The following PPP3CC variants were observed in gnomAD, a reference collection of about 807,000 sequenced individuals.
PPP3CC encodes the protein serine/threonine-protein phosphatase 2B catalytic subunit gamma isoform.
Under a neutral mutation model 60.3 loss-of-function variants are expected in PPP3CC, and 35 were observed. The ratio of observed to expected loss-of-function variants is 0.58; its 90% CI spans 0.44 to 0.77. PPP3CC has a LOEUF of 0.77. Ranked by LOEUF, PPP3CC falls within the 30% of genes least tolerant of loss-of-function variation. PPP3CC has a pLI of 0.00. For missense variants in PPP3CC, 570 were observed against 628.9 expected, an observed-to-expected ratio of 0.91 and a Z score of 1.00; for synonymous variants, 206 against 224.3, an observed-to-expected ratio of 0.92 and a Z score of 0.73.
Position 22,523,630 on chromosome 8 carries a change from G to A in PPP3CC, c.943+881G>A, listed in dbSNP as rs559999779. The A allele has an allele frequency of 2.3e-3, 1,058 of 451,528 alleles. 27 individuals are homozygous for A. The highest frequency in any genetic ancestry group is 0.016 in the South Asian group (1,024 of 63,520). The allele number at this position is 451,528 out of a possible 1,614,324, so 28.0% of individuals were successfully genotyped here. On this transcript the variant is annotated intron_variant, in intron 8 of 13. Coordinates refer to ENST00000240139, the MANE Select transcript of PPP3CC (RefSeq NM_005605.5). ...AAACATTTTTGGAACTCCTCTTTTG[G>A]CATTGCCTTCAGAGTCTGCGACACA...
At chr8:22,455,165 A>G (rs1837159280) in intron 1 of PPP3CC, among the ~76,000 whole-genome samples, 1 of 152,082 alleles carries the variant, frequency 6.6e-6, no homozygotes, top group African/African-American at 2.4e-5. Context: ...GAAGTGATGT[A>G]TTCATAAATA....
At chr8:22,455,254 C>T (rs972501954) in intron 1 of PPP3CC, among the ~76,000 whole-genome samples, 2 of 152,124 alleles carry the variant, frequency 1.3e-5, no homozygotes, top group South Asian at 4.1e-4. Context: ...AGTACTCATG[C>T]GGTGTAGCAT....
At chr8:22,493,049 G>T in intron 3 of PPP3CC, 1 of 1,420,252 alleles carries the variant, frequency 7.0e-7, no homozygotes. Flanking sequence ...CAGCTCTTGT[G>T]GAGAATTTTG....
chr8:22,540,767 C>G lies in PPP3CC; in HGVS notation c.1504C>G (p.His502Asp), dbSNP rs762840722. The G allele has an allele frequency of 4.3e-6, 7 of 1,613,400 alleles. No individual in the cohort carries two copies. Among genetic ancestry groups the G allele is most frequent in the Non-Finnish European group, 5.9e-6 (7 of 1,179,700 alleles). Residue 502 changes from histidine (H) to aspartate (D), a missense_variant, in exon 14 of 14, where the codon CAC (histidine) becomes GAC (aspartate). Physicochemically the swap from His to Asp is moderately conservative, Grantham distance 81. Transcript: ENST00000240139. The part of the protein sequence containing the change: ...SVTSAHSHAA[H>D]RSDQGKKAHS ...AACCTCAGCACACTCACATGCTGCG[C>G]ACAGGAGCGACCAAGGGAAGAAAGC... is the stretch of plus-strand genomic sequence containing the variant.
intron 6 of PPP3CC, among the ~76,000 whole-genome samples, chr8:22,514,144 G>C (rs1839171796): frequency 6.6e-6 from 1 of 150,398 alleles, no homozygotes; most frequent in Non-Finnish European, 1.5e-5. Context: ...CTAATTGGGA[G>C]ACTTCAGGCA....
intron 10 of PPP3CC, among the ~76,000 whole-genome samples, chr8:22,530,856 A>G (rs1293906691): frequency 1.5e-5 from 2 of 137,746 alleles, no homozygotes; most frequent in Non-Finnish European, 1.6e-5. Flanking sequence ...AAAAAAAAAA[A>G]GGAAGAACAA....
chr8:22,471,792 C>G (rs1219293241), intron 1 of PPP3CC, among the ~76,000 whole-genome samples: 2 of 152,032 alleles, frequency 1.3e-5, no homozygotes, highest in African/African-American at 4.8e-5. Context: ...ACTTTATAAA[C>G]TTTATAAACA....
chr8:22,520,071 A>G (rs1321709986), intron 6 of PPP3CC, among the ~76,000 whole-genome samples: 1 of 151,324 alleles, frequency 6.6e-6, no homozygotes, highest in Non-Finnish European at 1.5e-5. Flanking sequence ...TTCATTCTTA[A>G]AGGGCAATTT....
At chr8:22,516,906 G>A (rs1041684674) in intron 6 of PPP3CC, among the ~76,000 whole-genome samples, 2 of 152,100 alleles carry the variant, frequency 1.3e-5, no homozygotes, top group Admixed American at 6.5e-5. Flanking sequence ...TGGTGGTTTT[G>A]GCCATGAGTT....
At position 22,533,034 on chromosome 8, in the gene PPP3CC, C is replaced by G; in HGVS notation, c.1321+16C>G. ...ATCGAGACAGGTGAGTATGAGAGTG[C>G]TCCTCCATGGAAGGTGTGCTCCCGT... On this transcript the variant is annotated intron_variant, in intron 12 of 13. Transcript: ENST00000240139. 1.3e-6 allele frequency: 2 copies of G among 1,537,084 alleles called. No individual in the cohort carries two copies. The highest frequency in any genetic ancestry group is 1.8e-6 in the Non-Finnish European group (2 of 1,130,726).
intron 6 of PPP3CC, among the ~76,000 whole-genome samples, chr8:22,515,281 T>C (rs1356743098): frequency 6.6e-6 from 1 of 152,224 alleles, no homozygotes; most frequent in East Asian, 1.9e-4. Flanking sequence ...GTTCCATTCA[T>C]GTTGTTGCAA....
chr8:22,459,499 G>A (rs1462904958), intron 1 of PPP3CC, among the ~76,000 whole-genome samples: 2 of 151,516 alleles, frequency 1.3e-5, no homozygotes, highest in East Asian at 3.9e-4. Flanking sequence ...ACTTATAGGT[G>A]GTTTATCTAG....
At chr8:22,479,697 T>C (rs530399405) in intron 3 of PPP3CC, among the ~76,000 whole-genome samples, 1 of 142,312 alleles carries the variant, frequency 7.0e-6, no homozygotes, top group Admixed American at 7.4e-5. Context: ...TGAGCCCAGA[T>C]CGCCCCACTG....
intron 3 of PPP3CC, among the ~76,000 whole-genome samples, chr8:22,489,620 TATA>T (rs1413421090): frequency 1.1e-4 from 16 of 140,870 alleles, no homozygotes; most frequent in Middle Eastern, 3.6e-3. Context: ...ATATATAATA[TATA>T]ATAAGTATAT....
chr8:22,491,251 G>A (rs540614162), intron 3 of PPP3CC, among the ~76,000 whole-genome samples: 1 of 152,278 alleles, frequency 6.6e-6, no homozygotes, highest in South Asian at 2.1e-4. Context: ...AGCATTGGTT[G>A]CCAGATGGCT....
chr8:22,478,848 G>C (rs1437964592), intron 3 of PPP3CC, among the ~76,000 whole-genome samples: 1 of 152,192 alleles, frequency 6.6e-6, no homozygotes, highest in African/African-American at 2.4e-5. Context: ...TAGGCACATA[G>C]TTAATATTTG....
intron 4 of PPP3CC, among the ~76,000 whole-genome samples, chr8:22,499,456 AG>A (rs879808073): frequency 2.0e-5 from 3 of 151,584 alleles, no homozygotes; most frequent in South Asian, 2.1e-4. Flanking sequence ...AAAAAAAAAA[AG>A]AAAAAAAAAA....
At chr8:22,527,326 A>G in intron 8 of PPP3CC, 66 bp from the exon 9 acceptor site, 1 of 1,564,972 alleles carries the variant, frequency 6.4e-7, no homozygotes, top group East Asian at 2.2e-5. Flanking sequence ...ACACAGCTGT[A>G]CAAAGCATAC....
intron 3 of PPP3CC, among the ~76,000 whole-genome samples, chr8:22,488,520 T>C (rs552169750): frequency 7.0e-4 from 106 of 152,338 alleles, no homozygotes; most frequent in Non-Finnish European, 1.4e-3. Flanking sequence ...CCCTGCAATG[T>C]GTAGGAGACA....
Sources: allele counts gnomAD v4.1 joint callset (sites outside exome capture counted in the v4.1 genomes callset), GRCh38; gene constraint gnomAD v4.1.1; transcripts MANE v1.5; gene names NCBI Gene and HGNC (gene_info 2026-07-23, HGNC 2026-07-21).